The following QKI variants were observed in gnomAD, a reference collection of about 807,000 sequenced individuals.
The protein encoded by QKI is KH domain-containing RNA-binding protein QKI.
QKI carries 10 observed loss-of-function variants against 39.0 expected under a neutral mutation model. The observed-to-expected ratio is 0.26, with a 90% confidence interval of 0.16 to 0.43. The LOEUF (loss-of-function observed/expected upper bound fraction) is 0.43. Among genes scored for constraint, QKI ranks in the 20% least tolerant of loss-of-function variants. The pLI, the probability that QKI is intolerant of heterozygous loss-of-function variation, is 1.00. For synonymous variants in QKI, 204 were observed against 155.4 expected (o/e 1.31, Z -2.33); for missense variants, 218 against 428.0 (o/e 0.51, Z 4.33).
At chr6:163,489,970 C>A (rs1777950517) in intron 3 of QKI, among the ~76,000 whole-genome samples, 1 of 152,112 alleles carries the variant, frequency 6.6e-6, no homozygotes, top group Non-Finnish European at 1.5e-5. Context: ...CCCCCTCTTC[C>A]TTCAGCCTCC....
chr6:163,415,628 A>G (rs1056136229), intron 1 of QKI, among the ~76,000 whole-genome samples: 3 of 151,516 alleles, frequency 2.0e-5, no homozygotes, highest in East Asian at 2.0e-4. Context: ...CGGCCCCTCT[A>G]GCTTCGGCGG....
chr6:163,561,433 C>T (rs938808484), intron 4 of QKI, among the ~76,000 whole-genome samples: 1 of 151,952 alleles, frequency 6.6e-6, no homozygotes, highest in African/African-American at 2.4e-5. Context: ...AAAACGAGAC[C>T]TTGTCTCTAC....
intron 1 of QKI, among the ~76,000 whole-genome samples, chr6:163,421,830 T>C (rs929433750): frequency 1.3e-5 from 2 of 151,924 alleles, no homozygotes; most frequent in Admixed American, 1.3e-4. Flanking sequence ...CTGCAACCTC[T>C]GCCTCCTGGG....
rs1242347320 is a variant in QKI at position 163,577,564 on chromosome 6, CCCTGGTTAGTCG to C, written c.*6857_*6868del. On this transcript the variant is annotated 3_prime_UTR_variant, in exon 8 of 8. Coordinates refer to ENST00000361752, the MANE Select transcript of QKI (RefSeq NM_006775.3). ...AAACGGTCCCCTGAAGCCAAGTATTCCCTGGTTAGTCGCCACCCCACCACTCCTTCCTGTCTC... is the reference window on the plus strand; with the variant it reads ...AAACGGTCCCCTGAAGCCAAGTATTCCCACCCCACCACTCCTTCCTGTCTC... 2 of 152,452 alleles carry C rather than the reference CCCTGGTTAGTCG, an allele frequency of 1.3e-5. No individual in the cohort carries two copies. The highest frequency in any genetic ancestry group is 1.9e-4 in the East Asian group (1 of 5,184). The allele number at this position is 152,452 out of a possible 1,614,324, so 9.4% of individuals were successfully genotyped here. A position where few individuals can be genotyped will look rare whatever the true frequency, so the allele number is the denominator to read the frequency against.
chr6:163,450,726 G>A (rs769823465), intron 1 of QKI, among the ~76,000 whole-genome samples: 4 of 151,880 alleles, frequency 2.6e-5, no homozygotes, highest in South Asian at 2.1e-4. Flanking sequence ...AGTTTTCAGC[G>A]TAGTGAAATT....
chr6:163,564,802 C>T, intron 6 of QKI: 1 of 1,597,476 alleles, frequency 6.3e-7, no homozygotes, highest in East Asian at 2.2e-5. Context: ...TTTGTTTTAC[C>T]AGACAAAATT....
At chr6:163,468,625 T>C (rs1306961494) in intron 2 of QKI, among the ~76,000 whole-genome samples, 1 of 152,236 alleles carries the variant, frequency 6.6e-6, no homozygotes, top group East Asian at 1.9e-4. Context: ...AACATGCCAC[T>C]TGGCAGAAAT....
In QKI at chr6:163,570,688, A is replaced by G. The variant is rs531544335; in HGVS notation, c.1010-6A>G. ...GTTTTGTTTTTTTTTGTTTCTAACC[A>G]CCCAGCCGCCACCGGCAACTAACCT... On this transcript the variant is annotated splice_polypyrimidine_tract_variant and splice_region_variant and intron_variant, in intron 7 of 7. Coordinates refer to ENST00000361752, the MANE Select transcript of QKI (RefSeq NM_006775.3). 6.2e-7 allele frequency: 1 copy of G among 1,609,640 alleles called. No homozygotes were observed. Among genetic ancestry groups the G allele is most frequent in the Non-Finnish European group, 8.5e-7 (1 of 1,179,000 alleles).
intron 3 of QKI, among the ~76,000 whole-genome samples, chr6:163,483,848 A>G (rs573184408): frequency 1.4e-4 from 22 of 152,332 alleles, no homozygotes; most frequent in Non-Finnish European, 2.5e-4. Flanking sequence ...GGAGGTTTTC[A>G]ATATACTTTG....
At chr6:163,441,020 G>A (rs537447726) in intron 1 of QKI, among the ~76,000 whole-genome samples, 2 of 152,120 alleles carry the variant, frequency 1.3e-5, no homozygotes, top group Non-Finnish European at 2.9e-5. Flanking sequence ...AATTAGGACT[G>A]TGCAGGCTAT....
intron 4 of QKI, among the ~76,000 whole-genome samples, chr6:163,543,613 C>T (rs866954227): frequency 1.3e-5 from 2 of 152,092 alleles, no homozygotes; most frequent in Middle Eastern, 3.4e-3. Flanking sequence ...AGCTTTTTGG[C>T]GGGTTTGAAT....
chr6:163,570,843 C>A lies in QKI; in HGVS notation c.*133C>A. On this transcript the variant is annotated 3_prime_UTR_variant, in exon 8 of 8. Transcript: ENST00000361752. ...CGAGCTGAGGCACTTGTCCGTTCGTCTTACCATCTAACCAAACAAAAGACA... is the reference window on the plus strand; with the variant it reads ...CGAGCTGAGGCACTTGTCCGTTCGTATTACCATCTAACCAAACAAAAGACA... The A allele has an allele frequency of 8.5e-7, 1 of 1,178,266 alleles. No homozygotes were observed. Among genetic ancestry groups the A allele is most frequent in the Non-Finnish European group, 1.2e-6 (1 of 853,128 alleles). The allele number at this position is 1,178,266 out of a possible 1,614,324, so 73.0% of individuals were successfully genotyped here.
intron 1 of QKI, among the ~76,000 whole-genome samples, chr6:163,454,611 C>T (rs1790795473): frequency 6.6e-6 from 1 of 152,154 alleles, no homozygotes; most frequent in Non-Finnish European, 1.5e-5. Context: ...TCTAGTTCTC[C>T]TGCCTACCTC....
intron 4 of QKI, among the ~76,000 whole-genome samples, chr6:163,555,506 G>C (rs1343385156): frequency 3.2e-5 from 2 of 63,214 alleles, no homozygotes; most frequent in Non-Finnish European, 5.3e-5. Context: ...CGAAACTCCA[G>C]CTCAAAAAAA....
chr6:163,475,838 G>A (rs1467397858), intron 2 of QKI, among the ~76,000 whole-genome samples: 2 of 151,998 alleles, frequency 1.3e-5, no homozygotes, highest in African/African-American at 4.8e-5. Flanking sequence ...CTTTTAAACA[G>A]GACACAGAAA....
rs1458726995 is a variant in QKI at position 163,563,703 on chromosome 6, A to G, written c.918A>G (p.Glu306=). The change falls in exon 6 of 8, where the codon GAA becomes GAG. Residue 306 remains glutamate, a synonymous_variant. Coordinates refer to ENST00000361752, the MANE Select transcript of QKI (RefSeq NM_006775.3). Reference sequence around the variant, plus strand: ...CATCAATCCTTGAGTATCCTATTGAACCTAGTGGTGTATTAGGTAAGTTCT... The same window carrying G: ...CATCAATCCTTGAGTATCCTATTGAGCCTAGTGGTGTATTAGGTAAGTTCT... The part of the protein sequence containing the change: ...PATSILEYPI[E]PSGVLGAVAT... The G allele has an allele frequency of 6.2e-7, 1 of 1,613,688 alleles. No homozygotes were observed. The highest frequency in any genetic ancestry group is 1.3e-5 in the African/African-American group (1 of 74,936).
chr6:163,422,136 T>C (rs1177260507), intron 1 of QKI, among the ~76,000 whole-genome samples: 1 of 152,224 alleles, frequency 6.6e-6, no homozygotes, highest in African/African-American at 2.4e-5. Context: ...TTAAAAAATA[T>C]ATTGCAGAAG....
At chr6:163,570,327 C>T in intron 7 of QKI, 2 of 983,132 alleles carry the variant, frequency 2.0e-6, no homozygotes, top group Non-Finnish European at 2.4e-6. Flanking sequence ...ACTGCACTGA[C>T]TGTTTAAAAA....
At chr6:163,565,671 T>C (rs1332512325) in intron 6 of QKI, 2 of 1,103,924 alleles carry the variant, frequency 1.8e-6, no homozygotes, top group Non-Finnish European at 2.2e-6. Context: ...TCTATTATGG[T>C]TAATTTCATT....
Sources: gnomAD v4.1 joint callset for allele counts (sites outside exome capture counted in the v4.1 genomes callset) on GRCh38, gnomAD v4.1.1 for gene constraint, MANE v1.5 for transcripts, NCBI Gene and HGNC (gene_info 2026-07-23, HGNC 2026-07-21) for gene names.